CSMD1: variants seen among roughly 807,000 people sequenced by gnomAD.
CSMD1 encodes the protein CUB and sushi domain-containing protein 1.
In CSMD1, 213 loss-of-function variants were observed where a neutral mutation model predicts 417.5. The ratio of observed to expected loss-of-function variants is 0.51; its 90% confidence interval spans 0.46 to 0.57. The LOEUF is 0.57. Ranked by LOEUF, CSMD1 falls within the 20% of genes least tolerant of loss-of-function variation. The pLI, the probability that CSMD1 is intolerant of heterozygous loss-of-function variation, is 0.00. For missense variants in CSMD1, 6,923 were observed against 4,529.7 expected (o/e 1.53, Z -15.17); for synonymous variants, 2,862 against 1,736.8 (o/e 1.65, Z -16.11).
chr8:4,190,921 G>A (rs78828755), intron 3 of CSMD1, among the ~76,000 whole-genome samples: 3,916 of 150,876 alleles, frequency 0.026, 190 homozygotes, highest in African/African-American at 0.091. Context: ...GTACACATAG[G>A]TGAACGACAC....
chr8:3,554,838 G>C (rs972002667), intron 10 of CSMD1, among the ~76,000 whole-genome samples: 5 of 152,164 alleles, frequency 3.3e-5, no homozygotes, highest in African/African-American at 4.8e-5. Context: ...CAGGCCAAGA[G>C]TGCTGTGTGA....
intron 12 of CSMD1, among the ~76,000 whole-genome samples, chr8:3,457,970 G>C (rs986432473): frequency 1.3e-5 from 2 of 152,142 alleles, no homozygotes; most frequent in African/African-American, 4.8e-5. Flanking sequence ...ATATCACCTA[G>C]AAGTACACCT....
chr8:4,412,759 T>G (rs1031630426), intron 3 of CSMD1, among the ~76,000 whole-genome samples: 1 of 152,218 alleles, frequency 6.6e-6, no homozygotes, highest in Non-Finnish European at 1.5e-5. Context: ...ATTAGACTAC[T>G]TACATTGATA....
intron 2 of CSMD1, among the ~76,000 whole-genome samples, chr8:4,543,671 GAAAAAAAAAAAAAAAA>G (rs35739254): frequency 5.2e-5 from 3 of 57,334 alleles, no homozygotes; most frequent in East Asian, 6.6e-4. Flanking sequence ...GTTTAATTTT[GAAAAAAAAAAAAAAAA>G]AAAAAAAAAA....
chr8:4,317,585 G>T (rs1222929692), intron 3 of CSMD1, among the ~76,000 whole-genome samples: 3 of 151,324 alleles, frequency 2.0e-5, no homozygotes, highest in African/African-American at 7.3e-5. Context: ...CAGTACTCAA[G>T]AGAGAGAGAG....
intron 26 of CSMD1, among the ~76,000 whole-genome samples, chr8:3,272,335 C>G (rs1326284055): frequency 6.8e-6 from 1 of 147,508 alleles, no homozygotes; most frequent in East Asian, 2.0e-4. Flanking sequence ...TTACGGTAGC[C>G]TTGTAGCATA....
Position 3,214,569 on chromosome 8 carries a change from G to T in CSMD1, c.4795C>A (p.Pro1599Thr). 1 of 1,587,500 alleles carries T rather than the reference G, an allele frequency of 6.3e-7. No individual in the cohort carries two copies. Among genetic ancestry groups the T allele is most frequent in the South Asian group, 1.2e-5 (1 of 86,524 alleles). Residue 1599 changes from proline (P) to threonine (T), a missense_variant, in exon 30 of 70, where the codon CCC (proline) becomes ACC (threonine). Transcript: ENST00000635120. Reference protein sequence around the residue: ...QCDSGYKILDPSSITCVIGAD... With the variant: ...QCDSGYKILDTSSITCVIGAD... ...CCAATCACACAGGTGATGGATGAGG[G>T]GTCAAGAATCTTATAGCCAGAGTCA...
intron 5 of CSMD1, among the ~76,000 whole-genome samples, chr8:3,837,253 C>T (rs776755080): frequency 2.6e-5 from 4 of 152,058 alleles, no homozygotes; most frequent in South Asian, 2.1e-4. Context: ...TTATTCAACC[C>T]TTTGTAATAT....
chr8:4,933,709 G>A (rs927862706), intron 1 of CSMD1, among the ~76,000 whole-genome samples: 19 of 152,132 alleles, frequency 1.2e-4, no homozygotes, highest in African/African-American at 4.3e-4. Flanking sequence ...ATGGAAGAAT[G>A]GATGAATGCA....
chr8:4,640,483 G>C (rs1235853869), intron 1 of CSMD1, among the ~76,000 whole-genome samples: 1 of 152,162 alleles, frequency 6.6e-6, no homozygotes, highest in Non-Finnish European at 1.5e-5. Flanking sequence ...ATAGAATCTA[G>C]ATTTAAAGCT....
intron 42 of CSMD1, among the ~76,000 whole-genome samples, chr8:3,110,908 T>G (rs548936859): frequency 6.6e-6 from 1 of 152,238 alleles, no homozygotes; most frequent in Admixed American, 6.5e-5. Context: ...CTTGAAGAAC[T>G]AAAACAATAC....
At chr8:3,710,094 A>T (rs777156759) in intron 6 of CSMD1, among the ~76,000 whole-genome samples, 1 of 151,388 alleles carries the variant, frequency 6.6e-6, no homozygotes, top group East Asian at 2.0e-4. Flanking sequence ...ATATCTACAT[A>T]TATTTTACGC....
chr8:3,127,612 G>T (rs1422062396), intron 41 of CSMD1: 1 of 152,098 alleles, frequency 6.6e-6, no homozygotes, highest in East Asian at 1.9e-4. Context: ...AGAATAAACA[G>T]ATTTAACACA....
At chr8:3,349,021 G>A (rs1386886974) in intron 21 of CSMD1, among the ~76,000 whole-genome samples, 1 of 152,158 alleles carries the variant, frequency 6.6e-6, no homozygotes, top group African/African-American at 2.4e-5. Context: ...TCTGTGCCAA[G>A]AGAGCTCCAC....
intron 1 of CSMD1, among the ~76,000 whole-genome samples, chr8:4,791,556 C>A (rs1381883319): frequency 6.6e-6 from 1 of 152,138 alleles, no homozygotes; most frequent in Non-Finnish European, 1.5e-5. Flanking sequence ...TGTTTTGTCT[C>A]TTTTTGGCTA....
chr8:4,233,155 T>G (rs952966999), intron 3 of CSMD1, among the ~76,000 whole-genome samples: 3 of 152,236 alleles, frequency 2.0e-5, no homozygotes. Flanking sequence ...AACAATGACA[T>G]GCATTTTAAT....
At chr8:3,829,393 T>G (rs1802240942) in intron 5 of CSMD1, among the ~76,000 whole-genome samples, 1 of 152,096 alleles carries the variant, frequency 6.6e-6, no homozygotes, top group Non-Finnish European at 1.5e-5. Context: ...AAGTTTCAGG[T>G]TTCAACCTAC....
At chr8:3,825,278 T>C (rs1251652369) in intron 5 of CSMD1, among the ~76,000 whole-genome samples, 2 of 152,064 alleles carry the variant, frequency 1.3e-5, no homozygotes, top group African/African-American at 4.8e-5. Context: ...GCCTGTAATC[T>C]CAGCACTTTG....
At chr8:3,307,638 A>T (rs760857373) in intron 25 of CSMD1, 57 bp downstream of exon 25, 40 of 1,551,564 alleles carry the variant, frequency 2.6e-5, no homozygotes, top group Non-Finnish European at 3.4e-5. Flanking sequence ...TCTCTGCTAC[A>T]AGAATAGAAG....
Sources: gnomAD v4.1 joint callset for allele counts (sites outside exome capture counted in the v4.1 genomes callset) on GRCh38, gnomAD v4.1.1 for gene constraint, MANE v1.5 for transcripts, NCBI Gene and HGNC (gene_info 2026-07-23, HGNC 2026-07-21) for gene names.